MATN2: variants seen among roughly 807,000 people sequenced by gnomAD.
The protein encoded by MATN2 is matrilin 2.
Under a neutral mutation model 103.2 loss-of-function variants are expected in MATN2, and 69 were observed. That is an observed-to-expected ratio of 0.67 (90% CI 0.55 to 0.82). The LOEUF is 0.82. Among genes scored for constraint, MATN2 ranks in the 40% least tolerant of loss-of-function variants. The pLI, the probability that MATN2 is intolerant of heterozygous loss-of-function variation, is 0.00. For synonymous variants in MATN2, 429 were observed against 450.2 expected (o/e 0.95, Z 0.60); for missense variants, 1,023 against 1,211.5 (o/e 0.84, Z 2.31).
chr8:98,034,140 C>G (rs1370047704), intron 18 of MATN2: 1 of 455,074 alleles, frequency 2.2e-6, no homozygotes, highest in Non-Finnish European at 4.4e-6. Flanking sequence ...TTCTGGAGGA[C>G]AGGAGTGGTT....
At chr8:98,035,100 G>A (rs567679898) in intron 18 of MATN2, among the ~76,000 whole-genome samples, 2 of 152,190 alleles carry the variant, frequency 1.3e-5, no homozygotes, top group Non-Finnish European at 2.9e-5. Flanking sequence ...GCTCACGTCT[G>A]TAATCCCAGC....
In MATN2 at chr8:97,937,682, G is replaced by A. The variant is rs142797126; in HGVS notation, c.713-4095G>A. Among the ~76,000 whole-genome samples the A allele has an allele frequency of 9.6e-3, 1,318 of 137,062 alleles. 20 individuals are homozygous for A. Among genetic ancestry groups the A allele is most frequent in the African/African-American group, 0.034 (1,244 of 36,120 alleles). 89.9% of individuals were successfully genotyped at this position (137,062 alleles called of 152,430 possible). On this transcript the variant is annotated intron_variant, in intron 3 of 18. Coordinates refer to ENST00000254898, the MANE Select transcript of MATN2 (RefSeq NM_002380.5). ...CAGCTCACTGCAACCTCTGCCTCCC[G>A]GTTTCAAGCAATTCTCCTGCCTCAG...
intron 2 of MATN2, among the ~76,000 whole-genome samples, chr8:97,906,365 C>T (rs973002438): frequency 2.0e-5 from 3 of 152,140 alleles, no homozygotes; most frequent in Non-Finnish European, 2.9e-5. Context: ...CTCAAGAGCT[C>T]AGAGATATTG....
At chr8:97,903,511 T>C (rs1819061010) in intron 2 of MATN2, among the ~76,000 whole-genome samples, 2 of 152,154 alleles carry the variant, frequency 1.3e-5, no homozygotes, top group African/African-American at 4.8e-5. Context: ...ATTTGCTGGA[T>C]GGGTGGACAA....
chr8:97,925,770 T>C (rs1320595645), intron 2 of MATN2, among the ~76,000 whole-genome samples: 6 of 152,192 alleles, frequency 3.9e-5, no homozygotes, highest in Non-Finnish European at 8.8e-5. Flanking sequence ...CATAGGACTC[T>C]AATACTGTTT....
intron 4 of MATN2, among the ~76,000 whole-genome samples, chr8:97,945,271 T>C (rs1234721346): frequency 1.3e-5 from 2 of 152,216 alleles, no homozygotes; most frequent in East Asian, 3.8e-4. Context: ...ATCTGCTGTC[T>C]CATTTAATTC....
chr8:97,926,988 G>C (rs1810007961), intron 2 of MATN2, among the ~76,000 whole-genome samples: 1 of 152,206 alleles, frequency 6.6e-6, no homozygotes, highest in South Asian at 2.1e-4. Context: ...TTTCTCCAGA[G>C]AGCTCTCTAT....
chr8:97,947,614 A>T (rs1366257421), intron 4 of MATN2, among the ~76,000 whole-genome samples: 4 of 152,236 alleles, frequency 2.6e-5, no homozygotes, highest in Non-Finnish European at 5.9e-5. Flanking sequence ...ATTTAAAAAA[A>T]ACCTAAATAA....
At chr8:97,913,465 C>A (rs1809518168) in intron 2 of MATN2, among the ~76,000 whole-genome samples, 2 of 151,864 alleles carry the variant, frequency 1.3e-5, no homozygotes, top group Admixed American at 1.3e-4. Context: ...CAGGTGCACA[C>A]CACCACACCC....
chr8:97,968,725 T>A (rs1451603501), intron 5 of MATN2, among the ~76,000 whole-genome samples: 1 of 152,212 alleles, frequency 6.6e-6, no homozygotes, highest in African/African-American at 2.4e-5. Context: ...CTATTAGCAT[T>A]TTGGTCACAA....
At chr8:97,905,620 G>A (rs1819140791) in intron 2 of MATN2, among the ~76,000 whole-genome samples, 2 of 152,088 alleles carry the variant, frequency 1.3e-5, no homozygotes, top group South Asian at 4.1e-4. Context: ...ACGGCCACAG[G>A]TTGTTTTCAC....
chr8:97,958,823 T>A (rs1465245153), intron 4 of MATN2, among the ~76,000 whole-genome samples: 1 of 152,192 alleles, frequency 6.6e-6, no homozygotes, highest in Non-Finnish European at 1.5e-5. Context: ...GCCCGCTGAT[T>A]GGAGTTCAGC....
At chr8:97,889,459 C>CTTTATATATATATATATATA (rs1818554246) in intron 2 of MATN2, among the ~76,000 whole-genome samples, 3 of 123,366 alleles carry the variant, frequency 2.4e-5, no homozygotes, top group South Asian at 3.1e-4. Flanking sequence ...CTCTCTCTGT[C>CTTTATATATATATATATATA]TATATATATA....
At position 98,007,520 on chromosome 8, in the gene MATN2, T is replaced by G. The variant is rs1438804716; in HGVS notation, c.1492T>G (p.Ser498Ala). 6.2e-7 allele frequency: 1 copy of G among 1,613,626 alleles called. No individual in the cohort carries two copies. The highest frequency in any genetic ancestry group is 1.7e-5 in the Admixed American group (1 of 60,024). The change falls in exon 10 of 19, where the codon TCC becomes GCC. Residue 498 changes from serine to alanine, a missense_variant. Physicochemically the swap from Ser to Ala is moderately conservative, Grantham distance 99. Coordinates refer to ENST00000254898, the MANE Select transcript of MATN2 (RefSeq NM_002380.5). The surrounding 1 kb of genome is among the most constrained non-coding windows in gnomAD (Gnocchi z 4.2). Reference sequence around the variant, plus strand: ...GCTGAGTGACCATGGTTGTGAATACTCCTGTGTCAACATGGACAGATCCTT... The same window carrying G: ...GCTGAGTGACCATGGTTGTGAATACGCCTGTGTCAACATGGACAGATCCTT... Reference protein sequence around the residue: ...CLLSDHGCEYSCVNMDRSFAC... With the variant: ...CLLSDHGCEYACVNMDRSFAC...
At chr8:97,945,717 A>AAATAT (rs59472539) in intron 4 of MATN2, among the ~76,000 whole-genome samples, 11,759 of 121,560 alleles carry the variant, frequency 0.097, 684 homozygotes, top group South Asian at 0.12. Flanking sequence ...AAAAAAAAAA[A>AAATAT]ATATATATAT....
chr8:97,971,851 T>C (rs2130289377), intron 5 of MATN2, among the ~76,000 whole-genome samples: 1 of 152,066 alleles, frequency 6.6e-6, no homozygotes, highest in African/African-American at 2.4e-5. Flanking sequence ...TAAAAAATAT[T>C]TCCCCCATTG....
chr8:97,903,406 T>C (rs558809598), intron 2 of MATN2, among the ~76,000 whole-genome samples: 2 of 152,198 alleles, frequency 1.3e-5, no homozygotes, highest in Non-Finnish European at 2.9e-5. Context: ...CTCACAGACA[T>C]TGGAAGGGTA....
At chr8:97,917,124 A>C (rs1238693825) in intron 2 of MATN2, among the ~76,000 whole-genome samples, 1 of 152,114 alleles carries the variant, frequency 6.6e-6, no homozygotes, top group African/African-American at 2.4e-5. Context: ...TTGCTACCCA[A>C]AGATGCACAC....
chr8:97,925,173 G>A (rs1041646180), intron 2 of MATN2, among the ~76,000 whole-genome samples: 5 of 152,114 alleles, frequency 3.3e-5, no homozygotes, highest in Non-Finnish European at 7.3e-5. Flanking sequence ...GGGTGGATTG[G>A]CTACAGGCTG....
Sources: allele counts gnomAD v4.1 joint callset (sites outside exome capture counted in the v4.1 genomes callset), GRCh38; gene constraint gnomAD v4.1.1; non-coding constraint Gnocchi (gnomAD v3.1); transcripts MANE v1.5; gene names NCBI Gene and HGNC (gene_info 2026-07-23, HGNC 2026-07-21).